The following FBXL17 variants were observed in gnomAD, a reference collection of about 807,000 sequenced individuals.
FBXL17 encodes F-box and leucine rich repeat protein 17, also known as F-box/LRR-repeat protein 17.
In FBXL17, 22 loss-of-function variants were observed where a neutral mutation model predicts 66.2. The observed-to-expected ratio is 0.33, with a 90% CI of 0.24 to 0.47. FBXL17 has a LOEUF of 0.47. FBXL17 is among the 20% of genes least tolerant of loss of function. The probability of loss-of-function intolerance (pLI) is 1.00; values close to 1 mark genes in which losing one functional copy is unlikely to be tolerated. For missense variants in FBXL17, 878 were observed against 948.2 expected (o/e 0.93, Z 0.97); for synonymous variants, 474 against 400.5 (o/e 1.18, Z -2.19).
intron 7 of FBXL17, among the ~76,000 whole-genome samples, chr5:107,935,481 A>T (rs2079860091): frequency 6.6e-6 from 1 of 151,788 alleles, no homozygotes; most frequent in African/African-American, 2.4e-5. Flanking sequence ...AACGTCTTTT[A>T]AAAAAAGTAT....
chr5:108,212,923 T>C (rs1231202797), intron 5 of FBXL17, among the ~76,000 whole-genome samples: 1 of 152,210 alleles, frequency 6.6e-6, no homozygotes, highest in African/African-American at 2.4e-5. Flanking sequence ...CAATTGCTCC[T>C]TTCTCCAGGT....
intron 4 of FBXL17, among the ~76,000 whole-genome samples, chr5:108,279,126 T>C (rs567804563): frequency 2.2e-4 from 33 of 152,268 alleles, no homozygotes; most frequent in African/African-American, 7.2e-4. Flanking sequence ...ATCTCAACAC[T>C]GTTACTGCCA....
intron 4 of FBXL17, chr5:108,298,405 A>G (rs898650781): frequency 1.0e-5 from 10 of 979,246 alleles, no homozygotes; most frequent in Non-Finnish European, 1.1e-5. Flanking sequence ...AAGATCAATA[A>G]ATCAAGACAA....
chr5:107,872,825 C>T (rs986266855), intron 8 of FBXL17, among the ~76,000 whole-genome samples: 1 of 152,204 alleles, frequency 6.6e-6, no homozygotes, highest in African/African-American at 2.4e-5. Flanking sequence ...TTTCATTTTA[C>T]AGATGAGGGA....
At chr5:108,044,523 T>C (rs1483116742) in intron 6 of FBXL17, among the ~76,000 whole-genome samples, 2 of 152,228 alleles carry the variant, frequency 1.3e-5, no homozygotes, top group Admixed American at 1.3e-4. Flanking sequence ...ATGATTCTTT[T>C]TATATGGTCC....
At chr5:107,975,819 G>C (rs902533943) in intron 7 of FBXL17, among the ~76,000 whole-genome samples, 9 of 149,760 alleles carry the variant, frequency 6.0e-5, no homozygotes, top group Admixed American at 6.0e-4. Context: ...CTTTGCTTTT[G>C]CTTTTATTAT....
At chr5:108,153,936 T>C (rs2149998562) in intron 6 of FBXL17, among the ~76,000 whole-genome samples, 1 of 152,312 alleles carries the variant, frequency 6.6e-6, no homozygotes, top group South Asian at 2.1e-4. Flanking sequence ...TGTACAATTT[T>C]CCTTCTTGCA....
chr5:108,162,356 G>A (rs1470707954), intron 6 of FBXL17, among the ~76,000 whole-genome samples: 1 of 151,980 alleles, frequency 6.6e-6, no homozygotes, highest in Non-Finnish European at 1.5e-5. Context: ...TAAGCGTGGT[G>A]GTGGTGGTGT....
intron 4 of FBXL17, among the ~76,000 whole-genome samples, chr5:108,329,957 T>C (rs986642165): frequency 6.6e-6 from 1 of 152,042 alleles, no homozygotes; most frequent in Non-Finnish European, 1.5e-5. Flanking sequence ...AAAGTTACTA[T>C]AAAATCAGTA....
In FBXL17 at chr5:108,380,926, G is replaced by GCGGGGGCTGCTC; in HGVS notation, c.754_765dup (p.Glu252_Pro255dup). On this transcript the variant is annotated inframe_insertion, in exon 1 of 9. Transcript: ENST00000542267. ...GAAGAGGGCGGAGGGCAGAGCGGCT[G>GCGGGGGCTGCTC]CGGGGGCTGCTCCGGGGCCTGGCAG... is the stretch of plus-strand genomic sequence containing the variant. 1.6e-6 allele frequency: 2 copies of GCGGGGGCTGCTC among 1,222,386 alleles called. No individual in the cohort carries two copies. The highest frequency in any genetic ancestry group is 2.0e-6 in the Non-Finnish European group (2 of 978,866). The allele number at this position is 1,222,386 out of a possible 1,614,324, so 75.7% of individuals were successfully genotyped here. A position where few individuals can be genotyped will look rare whatever the true frequency, so the allele number is the denominator to read the frequency against.
chr5:107,908,787 C>T (rs1214932215), intron 7 of FBXL17, among the ~76,000 whole-genome samples: 1 of 152,146 alleles, frequency 6.6e-6, no homozygotes, highest in Admixed American at 6.5e-5. Context: ...AAAGAAACCG[C>T]TAGCATCAGG....
At chr5:108,189,588 C>T (rs1031074861) in intron 5 of FBXL17, among the ~76,000 whole-genome samples, 2 of 152,104 alleles carry the variant, frequency 1.3e-5, no homozygotes, top group African/African-American at 2.4e-5. Flanking sequence ...AATCCCTGCC[C>T]CCTTGAGTGT....
chr5:108,358,837 T>C (rs1748162631), intron 3 of FBXL17, among the ~76,000 whole-genome samples: 1 of 152,116 alleles, frequency 6.6e-6, no homozygotes, highest in Non-Finnish European at 1.5e-5. Flanking sequence ...GAAATTTTTT[T>C]AACTGATTCA....
chr5:108,378,855 G>C (rs1022725495), intron 1 of FBXL17, among the ~76,000 whole-genome samples: 1 of 152,164 alleles, frequency 6.6e-6, no homozygotes, highest in Non-Finnish European at 1.5e-5. Flanking sequence ...ACTGGGGTTG[G>C]CAGACACTGA....
intron 7 of FBXL17, among the ~76,000 whole-genome samples, chr5:107,945,251 T>C (rs551084945): frequency 6.6e-6 from 1 of 152,268 alleles, no homozygotes; most frequent in East Asian, 1.9e-4. Context: ...CATTAAAAAG[T>C]CTGGCAACAT....
At chr5:108,045,119 A>T (rs1267948746) in intron 6 of FBXL17, among the ~76,000 whole-genome samples, 1 of 151,976 alleles carries the variant, frequency 6.6e-6, no homozygotes, top group African/African-American at 2.4e-5. Context: ...TACTGTTTTC[A>T]ATTTCATTGA....
At chr5:107,990,593 C>G (rs1028042976) in intron 7 of FBXL17, among the ~76,000 whole-genome samples, 1 of 151,918 alleles carries the variant, frequency 6.6e-6, no homozygotes, top group Non-Finnish European at 1.5e-5. Context: ...ATAATAAATC[C>G]CTAGCAGAAG....
At chr5:108,102,892 T>A (rs952871865) in intron 6 of FBXL17, among the ~76,000 whole-genome samples, 1 of 152,166 alleles carries the variant, frequency 6.6e-6, no homozygotes, top group African/African-American at 2.4e-5. Flanking sequence ...CTCATGGCAT[T>A]TTTTTCTGCC....
At chr5:108,124,474 A>G (rs1418852254) in intron 6 of FBXL17, among the ~76,000 whole-genome samples, 2 of 152,076 alleles carry the variant, frequency 1.3e-5, no homozygotes, top group African/African-American at 2.4e-5. Flanking sequence ...CTAAAACTCC[A>G]AACTTAAGCA....
Sources: gnomAD v4.1 joint callset for allele counts (sites outside exome capture counted in the v4.1 genomes callset) on GRCh38, gnomAD v4.1.1 for gene constraint, MANE v1.5 for transcripts, NCBI Gene and HGNC (gene_info 2026-07-23, HGNC 2026-07-21) for gene names.